SLC26A8: variants seen among roughly 807,000 people sequenced by gnomAD.
The protein encoded by SLC26A8 is testis anion transporter 1.
In SLC26A8, 70 loss-of-function variants were observed where a neutral mutation model predicts 105.0. The ratio of observed to expected loss-of-function variants is 0.67; its 90% CI spans 0.55 to 0.81. The LOEUF (loss-of-function observed/expected upper bound fraction) is 0.81. SLC26A8 is among the 40% of genes least tolerant of loss of function. The pLI is 0.00. For missense variants in SLC26A8, 998 were observed against 1,181.8 expected (o/e 0.84, Z 2.28); for synonymous variants, 415 against 438.3 (o/e 0.95, Z 0.66).
chr6:35,948,707 TAAC>T (rs1310767845), intron 19 of SLC26A8, among the ~76,000 whole-genome samples: 1 of 152,168 alleles, frequency 6.6e-6, no homozygotes, highest in Non-Finnish European at 1.5e-5. Context: ...TTTATGAAAA[TAAC>T]ATATCAGTAG....
intron 1 of SLC26A8, among the ~76,000 whole-genome samples, chr6:36,020,970 C>A (rs918291267): frequency 6.6e-6 from 1 of 152,178 alleles, no homozygotes; most frequent in Non-Finnish European, 1.5e-5. Flanking sequence ...GGCATTTATC[C>A]TATGCCATGC....
intron 2 of SLC26A8, 82 bp from the exon 3 acceptor site, chr6:36,012,454 T>G: frequency 2.0e-6 from 3 of 1,464,372 alleles, no homozygotes; most frequent in Non-Finnish European, 2.7e-6. Flanking sequence ...TTGGCCCACA[T>G]AGCCAAGAAA....
intron 1 of SLC26A8, among the ~76,000 whole-genome samples, chr6:36,022,834 A>G (rs1255351525): frequency 6.6e-6 from 1 of 151,582 alleles, no homozygotes; most frequent in Non-Finnish European, 1.5e-5. Context: ...CTAGCAGGAC[A>G]CTTCCCAAGA....
intron 7 of SLC26A8, among the ~76,000 whole-genome samples, chr6:35,984,247 T>C (rs1284121789): frequency 1.3e-5 from 2 of 152,082 alleles, no homozygotes; most frequent in Non-Finnish European, 2.9e-5. Context: ...CCTCACCTCA[T>C]GAAGCATTGT....
intron 4 of SLC26A8, 76 bp from the exon 5 acceptor site, chr6:35,997,995 TTGAATTCTGGA>T: frequency 7.3e-7 from 1 of 1,368,940 alleles, no homozygotes; most frequent in Non-Finnish European, 1.0e-6. Context: ...CAAGGTATGG[TTGAATTCTGGA>T]TTGTCCTTCA....
chr6:36,001,533 G>A (rs60762649), intron 3 of SLC26A8, among the ~76,000 whole-genome samples: 1,526 of 152,338 alleles, frequency 0.01, 34 homozygotes, highest in African/African-American at 0.034. Context: ...ATGACAGGAT[G>A]TCACTTCTGA....
rs190877684 is a variant in SLC26A8 at position 35,981,728 on chromosome 6, G to A, written c.1025+393C>T. On this transcript the variant is annotated intron_variant, in intron 8 of 19. Transcript: ENST00000490799. The surrounding 1 kb of genome is among the most constrained non-coding windows in gnomAD (Gnocchi z 4.0). The stretch of plus-strand genomic sequence containing the variant: ...CTAAGTTTGTGAAGGCAAAAGGAAC[G>A]TTCATCTTCTGAACACAGAGCCACA... Among the ~76,000 whole-genome samples the A allele has an allele frequency of 7.5e-4, 114 of 152,228 alleles. 2 individuals are homozygous for A. The highest frequency in any genetic ancestry group is 2.6e-3 in the African/African-American group (108 of 41,546).
chr6:35,995,979 A>G (rs1761341048), intron 5 of SLC26A8, among the ~76,000 whole-genome samples: 1 of 152,196 alleles, frequency 6.6e-6, no homozygotes, highest in South Asian at 2.1e-4. Flanking sequence ...GGTCTCTGTT[A>G]AAGTACCAAA....
intron 2 of SLC26A8, among the ~76,000 whole-genome samples, chr6:36,019,072 C>G (rs967044141): frequency 1.3e-5 from 2 of 152,138 alleles, no homozygotes; most frequent in Non-Finnish European, 2.9e-5. Flanking sequence ...AATTACAGCA[C>G]GTGCCACCAC....
chr6:35,993,327 C>T (rs1441488217), intron 5 of SLC26A8, among the ~76,000 whole-genome samples: 1 of 151,836 alleles, frequency 6.6e-6, no homozygotes, highest in Non-Finnish European at 1.5e-5. Flanking sequence ...TTTTAAACCT[C>T]TTTCATTAGA....
In SLC26A8 at chr6:35,969,312, G is replaced by A. The variant is rs1055677909; in HGVS notation, c.1288-358C>T. On this transcript the variant is annotated intron_variant, in intron 10 of 19. Transcript: ENST00000490799. Reference sequence around the variant, plus strand: ...TCTCCTTGCACAATTTAGAAAAGCCGTAGTTGGCCGGGTGCGGTGGCTCAC... The same window carrying A: ...TCTCCTTGCACAATTTAGAAAAGCCATAGTTGGCCGGGTGCGGTGGCTCAC... The A allele has an allele frequency of 7.8e-5, 17 of 217,024 alleles. 1 individual carries two copies. Among genetic ancestry groups the A allele is most frequent in the South Asian group, 1.9e-4 (3 of 15,814 alleles). 13.4% of individuals were successfully genotyped at this position (217,024 alleles called of 1,614,324 possible).
intron 7 of SLC26A8, among the ~76,000 whole-genome samples, chr6:35,990,650 G>A (rs1761114040): frequency 1.3e-5 from 2 of 152,120 alleles, no homozygotes; most frequent in Non-Finnish European, 2.9e-5. Flanking sequence ...TGAAAACAGT[G>A]TGATTTCAAC....
In SLC26A8 at chr6:35,960,718, C is replaced by A; in HGVS notation, c.1638+125G>T. 2 of 893,246 alleles carry A rather than the reference C, an allele frequency of 2.2e-6. 1 individual carries two copies. 55.3% of individuals were successfully genotyped at this position (893,246 alleles called of 1,614,324 possible). On this transcript the variant is annotated intron_variant, in intron 14 of 19. Transcript: ENST00000490799. The stretch of plus-strand genomic sequence containing the variant: ...CTCTACCAGTGTACATCACATCCCC[C>A]TCCTTTGTAAATGTGTATCTGCAGT...
chr6:35,983,202 G>T (rs981177031), intron 7 of SLC26A8, among the ~76,000 whole-genome samples: 15 of 152,174 alleles, frequency 9.9e-5, no homozygotes, highest in African/African-American at 3.4e-4. Context: ...GATTAGAATG[G>T]AAGGAAGAAT....
intron 10 of SLC26A8, among the ~76,000 whole-genome samples, chr6:35,973,449 C>T (rs748167109): frequency 4.6e-5 from 7 of 152,338 alleles, no homozygotes; most frequent in South Asian, 4.1e-4. Flanking sequence ...CCAAACTTGT[C>T]CAACCTGAGG....
chr6:35,998,034 A>G, intron 4 of SLC26A8, 115 bp from the exon 5 acceptor site: 1 of 950,458 alleles, frequency 1.1e-6, no homozygotes, highest in Non-Finnish European at 1.6e-6. Flanking sequence ...AACTTTTCTC[A>G]TTTGAAAGTG....
chr6:36,015,753 C>A (rs1342936962), intron 2 of SLC26A8, among the ~76,000 whole-genome samples: 1 of 152,054 alleles, frequency 6.6e-6, no homozygotes, highest in African/African-American at 2.4e-5. Context: ...GGGGGGATAT[C>A]CAAGAACACA....
rs1049966844 is a variant in SLC26A8 at position 35,951,045 on chromosome 6, G to C, written c.2472+118C>G. 4.8e-5 allele frequency: 48 copies of C among 1,000,190 alleles called. No homozygotes were observed. The African/African-American group carries it at 6.6e-4, about 14-fold the overall frequency. 62.0% of individuals were successfully genotyped at this position (1,000,190 alleles called of 1,614,324 possible). On this transcript the variant is annotated intron_variant, in intron 19 of 19. Coordinates refer to ENST00000490799, the MANE Select transcript of SLC26A8 (RefSeq NM_052961.4). ...ACAGCCATACTAAATACCTTTCCTG[G>C]ACATTATTCCTCTATCTGATCAGGA...
At chr6:35,966,656 C>T (rs1290802582) in intron 11 of SLC26A8, among the ~76,000 whole-genome samples, 1 of 152,134 alleles carries the variant, frequency 6.6e-6, no homozygotes, top group Non-Finnish European at 1.5e-5. Flanking sequence ...GAATGCTCTA[C>T]TAGGGACTCT....
Sources: gnomAD v4.1 joint callset for allele counts (sites outside exome capture counted in the v4.1 genomes callset) on GRCh38, gnomAD v4.1.1 for gene constraint, Gnocchi (gnomAD v3.1) non-coding constraint, MANE v1.5 for transcripts, NCBI Gene and HGNC (gene_info 2026-07-23, HGNC 2026-07-21) for gene names.